COLEC12: variants seen among roughly 807,000 people sequenced by gnomAD.
COLEC12 encodes collectin subfamily member 12.
Under a neutral mutation model 71.1 loss-of-function variants are expected in COLEC12, and 33 were observed. The observed-to-expected ratio is 0.46, with a 90% CI of 0.35 to 0.62. The LOEUF (loss-of-function observed/expected upper bound fraction) is 0.62, where lower values mean the gene tolerates loss of function less well. COLEC12 is among the 20% of genes least tolerant of loss of function. The pLI, the probability that COLEC12 is intolerant of heterozygous loss-of-function variation, is 0.00. For synonymous variants in COLEC12, 350 were observed against 353.0 expected (o/e 0.99, Z 0.10); for missense variants, 765 against 916.1 (o/e 0.84, Z 2.13).
intron 8 of COLEC12, among the ~76,000 whole-genome samples, chr18:328,315 G>A (rs1290108943): frequency 1.3e-5 from 2 of 152,200 alleles, no homozygotes; most frequent in African/African-American, 2.4e-5. Context: ...AAGTGAGTCT[G>A]ACTAGGAGGA....
chr18:330,787 AC>A (rs1200374147), intron 8 of COLEC12, among the ~76,000 whole-genome samples: 3 of 151,536 alleles, frequency 2.0e-5, no homozygotes, highest in Non-Finnish European at 4.4e-5. Context: ...GAATCTTCAA[AC>A]CTCTAGGGGA....
chr18:412,619 A>C (rs1915914643), intron 2 of COLEC12, among the ~76,000 whole-genome samples: 1 of 136,270 alleles, frequency 7.3e-6, no homozygotes, highest in Non-Finnish European at 1.7e-5. Context: ...ATAAGGCAAA[A>C]ATTATAAAAC....
At chr18:361,687 AC>A (rs1914747530) in intron 2 of COLEC12, among the ~76,000 whole-genome samples, 1 of 152,198 alleles carries the variant, frequency 6.6e-6, no homozygotes, top group African/African-American at 2.4e-5. Context: ...AGAGAAAGGA[AC>A]ATATAGGTAG....
intron 2 of COLEC12, among the ~76,000 whole-genome samples, chr18:429,326 G>T (rs980351471): frequency 6.6e-6 from 1 of 151,978 alleles, no homozygotes; most frequent in South Asian, 2.1e-4. Flanking sequence ...AATCTCTACA[G>T]TTGGCTGATT....
intron 2 of COLEC12, among the ~76,000 whole-genome samples, chr18:440,378 TAC>T (rs142637035): frequency 0.46 from 55,210 of 121,162 alleles, 11,083 homozygotes; most frequent in South Asian, 0.65. Context: ...CACACACACA[TAC>T]ACACACACAC....
chr18:487,066 C>T (rs775171853), intron 1 of COLEC12, among the ~76,000 whole-genome samples: 21 of 152,152 alleles, frequency 1.4e-4, no homozygotes, highest in Non-Finnish European at 1.2e-4. Flanking sequence ...GGGGGGGAGA[C>T]AAGCCAAAGG....
At chr18:339,525 T>C (rs1914197845) in intron 5 of COLEC12, among the ~76,000 whole-genome samples, 1 of 137,260 alleles carries the variant, frequency 7.3e-6, no homozygotes, top group Non-Finnish European at 1.7e-5. Context: ...TACTTGTGAT[T>C]GACTTCCCAG....
chr18:482,109 G>C (rs977915832), intron 1 of COLEC12, among the ~76,000 whole-genome samples: 4 of 150,920 alleles, frequency 2.7e-5, no homozygotes, highest in East Asian at 1.9e-4. Context: ...CTACTGTCCA[G>C]GAGGAACACT....
intron 2 of COLEC12, among the ~76,000 whole-genome samples, chr18:398,091 A>G (rs1380662748): frequency 6.6e-6 from 1 of 152,250 alleles, no homozygotes; most frequent in Non-Finnish European, 1.5e-5. Flanking sequence ...CAAAAAGCAG[A>G]ACATGTCTTC....
At chr18:417,795 C>A (rs1297174075) in intron 2 of COLEC12, among the ~76,000 whole-genome samples, 1 of 152,200 alleles carries the variant, frequency 6.6e-6, no homozygotes. Flanking sequence ...GAAATCGTAA[C>A]AGTATTAGTT....
chr18:429,310 C>A (rs1451905431), intron 2 of COLEC12, among the ~76,000 whole-genome samples: 3 of 152,078 alleles, frequency 2.0e-5, no homozygotes, highest in African/African-American at 4.8e-5. Context: ...GTGTACAATG[C>A]CAGACAATCT....
At chr18:401,778 T>C (rs999333485) in intron 2 of COLEC12, among the ~76,000 whole-genome samples, 10 of 152,276 alleles carry the variant, frequency 6.6e-5, no homozygotes, top group South Asian at 2.1e-4. Context: ...GGGTACAATG[T>C]ATTGAGGCTT....
chr18:329,622 C>T (rs1913926562), intron 8 of COLEC12, among the ~76,000 whole-genome samples: 1 of 152,178 alleles, frequency 6.6e-6, no homozygotes, highest in African/African-American at 2.4e-5. Context: ...GGGGGTACCC[C>T]TTCCTCTCCC....
chr18:449,234 T>G (rs1489413633), intron 2 of COLEC12, among the ~76,000 whole-genome samples: 1 of 152,146 alleles, frequency 6.6e-6, no homozygotes, highest in Non-Finnish European at 1.5e-5. Context: ...TTCTACAGAT[T>G]GTTATAGTAA....
Position 334,807 on chromosome 18 carries a change from C to A in COLEC12, c.1751G>T (p.Gly584Val). 6.6e-7 allele frequency: 1 copy of A among 1,512,378 alleles called. No homozygotes were observed. Among genetic ancestry groups the A allele is most frequent in the Non-Finnish European group, 8.8e-7 (1 of 1,137,638 alleles). The allele number at this position is 1,512,378 out of a possible 1,614,324, so 93.7% of individuals were successfully genotyped here. A position where few individuals can be genotyped will look rare whatever the true frequency, so the allele number is the denominator to read the frequency against. ...PGPKGPPGPPGPSGAVVPLAL... is the reference protein window; with the variant it reads ...PGPKGPPGPPVPSGAVVPLAL... ...CAGGGGCACCACCGCTCCTGATGGG[C>A]CAGGAGGGCCGGGGGGGCCCTTGGG... The change falls in exon 6 of 10, where the codon GGC becomes GTC. Residue 584 changes from glycine to valine, a missense_variant. Transcript: ENST00000400256.
chr18:375,463 T>G (rs11081063), intron 2 of COLEC12, among the ~76,000 whole-genome samples: 1 of 152,098 alleles, frequency 6.6e-6, no homozygotes, highest in African/African-American at 2.4e-5. Context: ...TCCTCCCCCA[T>G]GCCTCCATCT....
intron 2 of COLEC12, among the ~76,000 whole-genome samples, chr18:476,785 G>A (rs1294577950): frequency 6.6e-6 from 1 of 152,186 alleles, no homozygotes; most frequent in Non-Finnish European, 1.5e-5. Context: ...CATATCTATG[G>A]AAAATAAAAA....
intron 2 of COLEC12, among the ~76,000 whole-genome samples, chr18:463,819 A>T (rs1020640943): frequency 7.2e-5 from 11 of 152,114 alleles, no homozygotes; most frequent in African/African-American, 2.4e-4. Context: ...CTTCTTTCAC[A>T]TAAAACCATG....
chr18:428,895 A>G (rs577988454), intron 2 of COLEC12, among the ~76,000 whole-genome samples: 175 of 152,342 alleles, frequency 1.1e-3, no homozygotes, highest in African/African-American at 4.0e-3. Flanking sequence ...TTACTAAGGA[A>G]CACAAACACC....
Sources: allele counts gnomAD v4.1 joint callset (sites outside exome capture counted in the v4.1 genomes callset), GRCh38; gene constraint gnomAD v4.1.1; transcripts MANE v1.5; gene names NCBI Gene and HGNC (gene_info 2026-07-23, HGNC 2026-07-21).